RBL2: variants seen among roughly 807,000 people sequenced by gnomAD.
RBL2 encodes the protein RB transcriptional corepressor like 2.
RBL2 carries 56 observed loss-of-function variants against 126.0 expected under a neutral mutation model. That is an observed-to-expected ratio of 0.44 (90% CI 0.36 to 0.56). RBL2 has a LOEUF of 0.56. Ranked by LOEUF, RBL2 falls within the 20% of genes least tolerant of loss-of-function variation. The probability of loss-of-function intolerance (pLI) is 0.00; values close to 1 mark genes in which losing one functional copy is unlikely to be tolerated. For missense variants in RBL2, 1,229 were observed against 1,398.2 expected (o/e 0.88, Z 1.93); for synonymous variants, 454 against 478.5 (o/e 0.95, Z 0.67).
At chr16:53,465,656 T>A in intron 13 of RBL2, 54 bp downstream of exon 13, 1 of 1,339,808 alleles carries the variant, frequency 7.5e-7, no homozygotes, top group East Asian at 2.6e-5. Context: ...TCTAATCTAT[T>A]AATAATCCTT....
chr16:53,479,305 T>C (rs1171842769), intron 18 of RBL2, 80 bp downstream of exon 18: 1 of 1,317,560 alleles, frequency 7.6e-7, no homozygotes, highest in Non-Finnish European at 1.1e-6. Context: ...TAGTTGACTC[T>C]GTGGCCTTTT....
rs943534404 is a variant in RBL2, at chr16:53,434,485, C to G, written c.-72C>G. 1 of 1,306,062 alleles carries G rather than the reference C, an allele frequency of 7.7e-7. No individual in the cohort carries two copies. The highest frequency in any genetic ancestry group is 9.7e-7 in the Non-Finnish European group (1 of 1,026,214). 80.9% of individuals were successfully genotyped at this position (1,306,062 alleles called of 1,614,324 possible). A position where few individuals can be genotyped will look rare whatever the true frequency, so the allele number is the denominator to read the frequency against. On this transcript the variant is annotated 5_prime_UTR_variant, in exon 1 of 22. Coordinates refer to ENST00000262133, the MANE Select transcript of RBL2 (RefSeq NM_005611.4). Reference sequence around the variant, plus strand: ...GCGGTGCGGGCGGCGGACGGGCGGGCGCTTCGCCGTTTGAATGGCTGCGGG... The same window carrying G: ...GCGGTGCGGGCGGCGGACGGGCGGGGGCTTCGCCGTTTGAATGGCTGCGGG...
intron 4 of RBL2, among the ~76,000 whole-genome samples, chr16:53,448,082 A>T (rs550488563): frequency 6.6e-6 from 1 of 152,354 alleles, no homozygotes; most frequent in African/African-American, 2.4e-5. Context: ...AAAGTTAACA[A>T]AGAATCTTAG....
In RBL2 at chr16:53,469,929, A is replaced by G. The variant is rs749456711; in HGVS notation, c.1989A>G (p.Pro663=). Residue 663 remains proline, a synonymous_variant, in exon 15 of 22, where the codon CCA becomes CCG. Transcript: ENST00000262133. ...TGGLGRSITS[P]TTLYDRYSSP... is the part of the protein sequence containing the mutation. Reference sequence around the variant, plus strand: ...TTTTGACCCTAGGCATAACATCTCCAACCACATTATACGATAGGTACAGCT... The same window carrying G: ...TTTTGACCCTAGGCATAACATCTCCGACCACATTATACGATAGGTACAGCT... The G allele has an allele frequency of 2.5e-6, 4 of 1,569,720 alleles. No homozygotes were observed. In the African/African-American group the frequency reaches 5.4e-5, roughly 21 times the overall value.
chr16:53,478,014 G>A (rs62048526), intron 17 of RBL2, among the ~76,000 whole-genome samples: 73,791 of 151,956 alleles, frequency 0.49, 18,766 homozygotes, highest in Middle Eastern at 0.61. Context: ...TTATCTGAGA[G>A]TATATTTATT....
chr16:53,489,359 C>G (rs1395229643), intron 21 of RBL2: 1 of 152,132 alleles, frequency 6.6e-6, no homozygotes, highest in Non-Finnish European at 1.5e-5. Context: ...TGTGAATTTG[C>G]TTAGTATGCT....
chr16:53,484,068 T>C (rs116514101), intron 21 of RBL2, among the ~76,000 whole-genome samples: 3 of 152,334 alleles, frequency 2.0e-5, no homozygotes, highest in East Asian at 1.9e-4. Flanking sequence ...TTCTCTGTTA[T>C]ATAGGCTTAG....
In RBL2 at chr16:53,435,974, T is replaced by G. The variant is rs144111984; in HGVS notation, c.240+1178T>G. ...GATATTTGTGTTTACCTCACAGAGC[T>G]GTTCTGAAGATTAAATAAGGCAATA... On this transcript the variant is annotated intron_variant, in intron 1 of 21. Coordinates refer to ENST00000262133, the MANE Select transcript of RBL2 (RefSeq NM_005611.4). Among the ~76,000 whole-genome samples the G allele has an allele frequency of 1.6e-3, 250 of 152,332 alleles. 2 individuals carry two copies. The highest frequency in any genetic ancestry group is 5.7e-3 in the African/African-American group (238 of 41,586).
intron 8 of RBL2, among the ~76,000 whole-genome samples, chr16:53,455,138 T>C (rs2058155083): frequency 6.6e-6 from 1 of 152,248 alleles, no homozygotes; most frequent in South Asian, 2.1e-4. Flanking sequence ...GTCTTATATG[T>C]AGTGAACATA....
At chr16:53,481,920 C>A in intron 21 of RBL2, 85 bp downstream of exon 21, 1 of 1,419,326 alleles carries the variant, frequency 7.0e-7, no homozygotes, top group Non-Finnish European at 9.8e-7. Flanking sequence ...CTTAGGCACT[C>A]ATTAGAGTGA....
chr16:53,444,199 C>T (rs1033188737), intron 3 of RBL2, among the ~76,000 whole-genome samples: 19 of 151,938 alleles, frequency 1.3e-4, no homozygotes, highest in African/African-American at 4.1e-4. Flanking sequence ...GAGCCAAGAT[C>T]GTACCATTGC....
chr16:53,447,272 C>G (rs955142657), intron 4 of RBL2, among the ~76,000 whole-genome samples, 166 bp downstream of exon 4: 3 of 151,680 alleles, frequency 2.0e-5, no homozygotes, highest in Admixed American at 2.0e-4. Flanking sequence ...ATCAAAGGAT[C>G]TATTGGATTT....
At chr16:53,473,371 C>CT (rs1254820676) in intron 17 of RBL2, among the ~76,000 whole-genome samples, 8 of 151,348 alleles carry the variant, frequency 5.3e-5, no homozygotes, top group Non-Finnish European at 1.2e-4. Flanking sequence ...TTCAACAATG[C>CT]TTTGTACTTT....
intron 16 of RBL2, 36 bp from the exon 17 acceptor site, chr16:53,470,710 G>T: frequency 6.2e-7 from 1 of 1,612,406 alleles, no homozygotes; most frequent in South Asian, 1.1e-5. Context: ...GGAAATACAA[G>T]TGTTAAACAA....
intron 4 of RBL2, among the ~76,000 whole-genome samples, chr16:53,451,339 C>CT (rs1281207328): frequency 6.6e-6 from 1 of 152,080 alleles, no homozygotes; most frequent in Non-Finnish European, 1.5e-5. Flanking sequence ...GACTCCATCT[C>CT]TAAAAAAAGT....
intron 17 of RBL2, among the ~76,000 whole-genome samples, chr16:53,475,479 G>A (rs575686147): frequency 1.6e-4 from 25 of 152,324 alleles, no homozygotes; most frequent in Middle Eastern, 6.8e-3. Flanking sequence ...GCCTCCCAAA[G>A]TGCTGGGATT....
Position 53,434,736 on chromosome 16 carries a change from G to A in RBL2, c.180G>A (p.Glu60=), listed in dbSNP as rs896990283. 9.1e-6 allele frequency: 14 copies of A among 1,545,720 alleles called. No individual in the cohort carries two copies. The highest frequency in any genetic ancestry group is 1.2e-5 in the Non-Finnish European group (14 of 1,154,476). ...DELCSRLNMD[E]AARAEAWDSY... is the part of the protein sequence containing the mutation. ...TGTGCAGCCGCCTCAACATGGACGA[G>A]GCGGCGCGGGCCGAGGCCTGGGACA... Residue 60 remains glutamate (E), a synonymous_variant, in exon 1 of 22, where the codon GAG becomes GAA. Coordinates refer to ENST00000262133, the MANE Select transcript of RBL2 (RefSeq NM_005611.4).
At chr16:53,437,187 A>G (rs1414014814) in intron 1 of RBL2, among the ~76,000 whole-genome samples, 1 of 152,140 alleles carries the variant, frequency 6.6e-6, no homozygotes, top group Non-Finnish European at 1.5e-5. Flanking sequence ...TATGCTTTCT[A>G]AGAGATATTG....
At chr16:53,446,010 C>T (rs1257780719) in intron 3 of RBL2, 2 of 152,162 alleles carry the variant, frequency 1.3e-5, no homozygotes, top group East Asian at 3.9e-4. Flanking sequence ...ATACAGATAG[C>T]ACCTTCTGTG....
Sources: gnomAD v4.1 joint callset for allele counts (sites outside exome capture counted in the v4.1 genomes callset) on GRCh38, gnomAD v4.1.1 for gene constraint, MANE v1.5 for transcripts, NCBI Gene and HGNC (gene_info 2026-07-23, HGNC 2026-07-21) for gene names.